Variants in STK32B observed in about 807,000 individuals in gnomAD.
STK32B encodes the protein serine/threonine-protein kinase 32B.
A neutral mutation model predicts 52.6 loss-of-function variants in STK32B; 43 were observed. That is an observed-to-expected ratio of 0.82 (90% confidence interval 0.64 to 1.05). The LOEUF (loss-of-function observed/expected upper bound fraction) is 1.05, where lower values mean the gene tolerates loss of function less well. Among genes scored for constraint, STK32B ranks in the 50% least tolerant of loss-of-function variants. STK32B has a pLI of 0.00. For synonymous variants in STK32B, 238 were observed against 204.3 expected (o/e 1.17, Z -1.41); for missense variants, 621 against 534.6 (o/e 1.16, Z -1.59).
At chr4:5,243,420 G>A (rs1205020536) in intron 3 of STK32B, among the ~76,000 whole-genome samples, 2 of 152,188 alleles carry the variant, frequency 1.3e-5, no homozygotes, top group South Asian at 4.1e-4. Flanking sequence ...ATTTTTGCAC[G>A]TTGATTCTGT....
chr4:5,337,378 A>G (rs1196020550), intron 4 of STK32B, among the ~76,000 whole-genome samples: 1 of 152,168 alleles, frequency 6.6e-6, no homozygotes, highest in Non-Finnish European at 1.5e-5. Context: ...TCCAGGTCTC[A>G]AAAAGTGGTC....
intron 3 of STK32B, among the ~76,000 whole-genome samples, chr4:5,295,923 T>G (rs1553865825): frequency 6.6e-6 from 1 of 152,186 alleles, no homozygotes; most frequent in Non-Finnish European, 1.5e-5. Context: ...AATTTCTCTC[T>G]AAACACTGCT....
At chr4:5,176,950 G>T (rs1280307559) in intron 3 of STK32B, among the ~76,000 whole-genome samples, 1 of 152,144 alleles carries the variant, frequency 6.6e-6, no homozygotes, top group Non-Finnish European at 1.5e-5. Flanking sequence ...CAGACTCTCT[G>T]GGCCTCAACT....
At chr4:5,316,159 ATAAC>A (rs924491550) in intron 3 of STK32B, among the ~76,000 whole-genome samples, 2 of 87,702 alleles carry the variant, frequency 2.3e-5, no homozygotes, top group Admixed American at 2.9e-4. Flanking sequence ...CTAAATATAT[ATAAC>A]TAAATATATA....
intron 3 of STK32B, among the ~76,000 whole-genome samples, chr4:5,242,212 A>T (rs1039815621): frequency 6.6e-6 from 1 of 152,072 alleles, no homozygotes; most frequent in Non-Finnish European, 1.5e-5. Flanking sequence ...AAGTGTTCCT[A>T]TTTCTCCACA....
intron 4 of STK32B, among the ~76,000 whole-genome samples, chr4:5,339,390 G>A (rs929487142): frequency 2.6e-5 from 4 of 152,194 alleles, no homozygotes; most frequent in Non-Finnish European, 4.4e-5. Context: ...AGTTGGCAGA[G>A]ATTTGAGTCA....
rs752036100 is a variant in STK32B at position 5,230,178 on chromosome 4, C to CTTTTTTTTTTTTTTTT, written c.260+61744_260+61759dup. ...AGAAGAACACTCAAGCATGCATTCCCTTTTTTTTTTTTTTTTTTTTTTTTT... is the reference window on the plus strand; with the variant it reads ...AGAAGAACACTCAAGCATGCATTCCCTTTTTTTTTTTTTTTTTTTTTTTTTTTTTTTTTTTTTTTTT... On this transcript the variant is annotated intron_variant, in intron 3 of 11. Coordinates refer to ENST00000282908, the MANE Select transcript of STK32B (RefSeq NM_018401.3). Among the ~76,000 whole-genome samples, 57 of 71,116 alleles carry CTTTTTTTTTTTTTTTT rather than the reference C, an allele frequency of 8.0e-4. 5 individuals are homozygous for CTTTTTTTTTTTTTTTT. The highest frequency in any genetic ancestry group is 1.8e-3 in the East Asian group (5 of 2,738). 46.7% of individuals were successfully genotyped at this position (71,116 alleles called of 152,430 possible). A position where few individuals can be genotyped will look rare whatever the true frequency, so the allele number is the denominator to read the frequency against.
intron 6 of STK32B, among the ~76,000 whole-genome samples, chr4:5,439,617 A>G (rs1318282919): frequency 4.6e-5 from 7 of 151,702 alleles, no homozygotes; most frequent in Admixed American, 4.6e-4. Flanking sequence ...ATTAGATCCC[A>G]TTTGTCAATT....
chr4:5,075,201 T>C (rs1409170944), intron 1 of STK32B, among the ~76,000 whole-genome samples: 1 of 152,210 alleles, frequency 6.6e-6, no homozygotes, highest in Non-Finnish European at 1.5e-5. Context: ...ATTTATAATT[T>C]ATAACTCATA....
intron 1 of STK32B, among the ~76,000 whole-genome samples, chr4:5,126,770 C>T (rs1715387107): frequency 1.3e-5 from 2 of 152,148 alleles, no homozygotes; most frequent in South Asian, 2.1e-4. Context: ...CCGCCTATCT[C>T]TCAACAAATG....
At chr4:5,127,940 C>T (rs1715507846) in intron 1 of STK32B, among the ~76,000 whole-genome samples, 1 of 152,190 alleles carries the variant, frequency 6.6e-6, no homozygotes, top group South Asian at 2.1e-4. Context: ...AGCTCTCTTG[C>T]CTGTTACCAT....
chr4:5,331,518 GA>G (rs1194780565), intron 4 of STK32B, 125 bp downstream of exon 4: 9 of 955,504 alleles, frequency 9.4e-6, no homozygotes, highest in East Asian at 2.7e-5. Context: ...GTGCATGAGG[GA>G]AAAAAGCAGA....
intron 11 of STK32B, among the ~76,000 whole-genome samples, chr4:5,491,538 CT>C (rs1719735178): frequency 6.6e-6 from 1 of 151,820 alleles, no homozygotes; most frequent in Admixed American, 6.6e-5. Flanking sequence ...TGCCTGTTCA[CT>C]CTGATGGTAG....
intron 3 of STK32B, among the ~76,000 whole-genome samples, chr4:5,174,933 G>A (rs941875979): frequency 6.6e-6 from 1 of 152,118 alleles, no homozygotes; most frequent in African/African-American, 2.4e-5. Context: ...TCACTTTCAG[G>A]TACACCAATC....
At chr4:5,023,982 G>A in the STK32B span, among the ~76,000 whole-genome samples, 1 of 152,230 alleles carries the variant, frequency 6.6e-6, no homozygotes, top group South Asian at 2.1e-4. Flanking sequence ...AGAAAATTCA[G>A]CATGAGACAC....
intron 3 of STK32B, among the ~76,000 whole-genome samples, chr4:5,181,651 T>G (rs1720375328): frequency 6.6e-6 from 1 of 152,258 alleles, no homozygotes. Flanking sequence ...TAAAAGTTGT[T>G]TACGCCATAC....
At chr4:5,251,111 C>T (rs1367323752) in intron 3 of STK32B, among the ~76,000 whole-genome samples, 1 of 152,124 alleles carries the variant, frequency 6.6e-6, no homozygotes, top group Non-Finnish European at 1.5e-5. Context: ...CTTTTGGCAT[C>T]TTCATCATGA....
intron 3 of STK32B, among the ~76,000 whole-genome samples, chr4:5,306,259 T>A (rs907671639): frequency 2.0e-5 from 3 of 152,178 alleles, no homozygotes; most frequent in African/African-American, 7.2e-5. Flanking sequence ...TGTTTCTTTG[T>A]GGACTTTCTG....
chr4:5,484,861 T>G (rs546561469), intron 11 of STK32B, among the ~76,000 whole-genome samples: 6 of 152,302 alleles, frequency 3.9e-5, no homozygotes, highest in South Asian at 4.1e-4. Flanking sequence ...ATAGTTTGGC[T>G]GGATATGAAA....
Sources: gnomAD v4.1 joint callset for allele counts (sites outside exome capture counted in the v4.1 genomes callset) on GRCh38, gnomAD v4.1.1 for gene constraint, MANE v1.5 for transcripts, NCBI Gene and HGNC (gene_info 2026-07-23, HGNC 2026-07-21) for gene names.